SPATA17: variants seen among roughly 807,000 people sequenced by gnomAD.
The protein encoded by SPATA17 is spermatogenesis associated 17.
Under a neutral mutation model 62.2 loss-of-function variants are expected in SPATA17, and 53 were observed. The ratio of observed to expected loss-of-function variants is 0.85; its 90% CI spans 0.68 to 1.07. The LOEUF is 1.07. Among genes scored for constraint, SPATA17 ranks in the 50% least tolerant of loss-of-function variants. The pLI, the probability that SPATA17 is intolerant of heterozygous loss-of-function variation, is 0.00. For synonymous variants in SPATA17, 146 were observed against 146.8 expected, an observed-to-expected ratio of 0.99 and a Z score of 0.04; for missense variants, 466 against 425.5, an observed-to-expected ratio of 1.10 and a Z score of -0.84.
chr1:217,781,818 A>G (rs970583481), intron 7 of SPATA17, among the ~76,000 whole-genome samples: 1 of 152,164 alleles, frequency 6.6e-6, no homozygotes, highest in African/African-American at 2.4e-5. Context: ...TATTTACTCA[A>G]AAAGGGAGAC....
intron 6 of SPATA17, among the ~76,000 whole-genome samples, chr1:217,771,038 T>TA (rs1015516142): frequency 7.7e-5 from 10 of 129,582 alleles, no homozygotes; most frequent in East Asian, 2.4e-4. Flanking sequence ...TCGTAGCCTT[T>TA]AAAAAAAATC....
At chr1:217,772,298 A>G (rs183177158) in intron 6 of SPATA17, among the ~76,000 whole-genome samples, 1 of 152,324 alleles carries the variant, frequency 6.6e-6, no homozygotes, top group East Asian at 1.9e-4. Context: ...AATGGTTTAT[A>G]TAACTGCCTT....
chr1:217,708,954 C>CA (rs371624557), intron 5 of SPATA17, among the ~76,000 whole-genome samples: 162 of 143,398 alleles, frequency 1.1e-3, no homozygotes, highest in African/African-American at 2.6e-3. Context: ...TCAGCATATG[C>CA]AAAAAAAAAA....
chr1:217,848,435 CT>C (rs960938100), intron 9 of SPATA17, among the ~76,000 whole-genome samples: 3 of 152,050 alleles, frequency 2.0e-5, no homozygotes, highest in South Asian at 2.1e-4. Context: ...TCAGCTTTTA[CT>C]TTTTTTTACT....
chr1:217,668,046 T>C (rs866094884), intron 3 of SPATA17, among the ~76,000 whole-genome samples: 2 of 152,246 alleles, frequency 1.3e-5, no homozygotes, highest in Non-Finnish European at 2.9e-5. Flanking sequence ...CTGTTTGTCA[T>C]GGGGCAGAAA....
rs1381723863 is a variant in SPATA17 at position 217,776,217 on chromosome 1, G to T, written c.723+1680G>T. Among the ~76,000 whole-genome samples the T allele has an allele frequency of 1.3e-5, 2 of 152,192 alleles. 1 individual carries two copies. The highest frequency in any genetic ancestry group is 4.8e-5 in the African/African-American group (2 of 41,534). ...TCCTGAGGCTAAAGGGTAGAGTGGG[G>T]TGGGGTGAATGATGATTGTCACCAT... is the stretch of plus-strand genomic sequence containing the variant. On this transcript the variant is annotated intron_variant, in intron 7 of 10. Coordinates refer to ENST00000366933, the MANE Select transcript of SPATA17 (RefSeq NM_138796.4).
chr1:217,633,389 A>T (rs1368878062), intron 1 of SPATA17, among the ~76,000 whole-genome samples: 1 of 143,912 alleles, frequency 6.9e-6, no homozygotes, highest in Non-Finnish European at 1.6e-5. Context: ...TCTATTTATT[A>T]GATAATCTAT....
intron 9 of SPATA17, among the ~76,000 whole-genome samples, chr1:217,816,053 G>A (rs1263232211): frequency 6.6e-6 from 1 of 151,428 alleles, no homozygotes; most frequent in African/African-American, 2.4e-5. Flanking sequence ...CATTAACACT[G>A]GTTATTCTCA....
chr1:217,770,867 C>T (rs947707024), intron 6 of SPATA17, among the ~76,000 whole-genome samples: 3 of 150,672 alleles, frequency 2.0e-5, no homozygotes, highest in South Asian at 2.1e-4. Flanking sequence ...TACGTTTGCT[C>T]GTTGCTCAAC....
intron 6 of SPATA17, among the ~76,000 whole-genome samples, chr1:217,752,215 A>G (rs1247599503): frequency 1.3e-5 from 2 of 152,012 alleles, no homozygotes; most frequent in Non-Finnish European, 2.9e-5. Flanking sequence ...TTTTGTAGAC[A>G]TAGGGTCTTG....
At chr1:217,803,684 C>T (rs1272229748) in intron 9 of SPATA17, among the ~76,000 whole-genome samples, 1 of 152,128 alleles carries the variant, frequency 6.6e-6, no homozygotes, top group Non-Finnish European at 1.5e-5. Context: ...TCAATACAAT[C>T]CCTATCAAAA....
intron 1 of SPATA17, among the ~76,000 whole-genome samples, chr1:217,631,954 G>C (rs1669794820): frequency 6.6e-6 from 1 of 151,992 alleles, no homozygotes; most frequent in Admixed American, 6.6e-5. Context: ...AGGCCGAGGG[G>C]GGCGAATCAC....
In SPATA17 at chr1:217,727,847, C is replaced by G. The variant is rs1672305008; in HGVS notation, c.396-14128C>G. 3.9e-5 allele frequency among the ~76,000 whole-genome samples: 6 copies of G among 152,260 alleles called. No homozygotes were observed. In the South Asian group the frequency reaches 1.2e-3, roughly 32 times the overall value. On this transcript the variant is annotated intron_variant, in intron 5 of 10. Coordinates refer to ENST00000366933, the MANE Select transcript of SPATA17 (RefSeq NM_138796.4). ...CAATGAATAGTTTCGTATCCTTAGT[C>G]AAGTTACTTACTATCTCTGCACCTC...
chr1:217,699,193 A>G (rs1671534371), intron 5 of SPATA17, among the ~76,000 whole-genome samples: 1 of 152,222 alleles, frequency 6.6e-6, no homozygotes, highest in Admixed American at 6.5e-5. Flanking sequence ...ATGTGAGCAC[A>G]CATTTCTATT....
intron 9 of SPATA17, among the ~76,000 whole-genome samples, chr1:217,849,194 G>A (rs570576144): frequency 1.3e-5 from 2 of 152,124 alleles, no homozygotes; most frequent in East Asian, 3.9e-4. Flanking sequence ...ATCTTTTGCT[G>A]TTTTATTCAT....
At chr1:217,801,087 T>G (rs1313940122) in intron 8 of SPATA17, among the ~76,000 whole-genome samples, 1 of 152,198 alleles carries the variant, frequency 6.6e-6, no homozygotes, top group African/African-American at 2.4e-5. Context: ...ATTGGACACA[T>G]TTTTTTCAGC....
chr1:217,703,006 A>G (rs556156064), intron 5 of SPATA17, among the ~76,000 whole-genome samples: 1 of 150,984 alleles, frequency 6.6e-6, no homozygotes, highest in Non-Finnish European at 1.5e-5. Flanking sequence ...CCTCCTGAGT[A>G]GCTAGTATTA....
In SPATA17 at chr1:217,770,978, A is replaced by ATTTTTTTTTTTTTTTTTTT. The variant is rs374042087; in HGVS notation, c.520-3344_520-3326dup. Among the ~76,000 whole-genome samples the ATTTTTTTTTTTTTTTTTTT allele has an allele frequency of 7.4e-4, 37 of 50,150 alleles. 3 individuals carry two copies. Among genetic ancestry groups the ATTTTTTTTTTTTTTTTTTT allele is most frequent in the African/African-American group, 1.4e-3 (16 of 11,570 alleles). The allele number at this position is 50,150 out of a possible 152,430, so 32.9% of individuals were successfully genotyped here. On this transcript the variant is annotated intron_variant, in intron 6 of 10. Coordinates refer to ENST00000366933, the MANE Select transcript of SPATA17 (RefSeq NM_138796.4). ...ATGTATCTATTATATAACTCATTGC[A>ATTTTTTTTTTTTTTTTTTT]TTTTTTTTTTTTTTTTTTTTTTTTT...
intron 7 of SPATA17, among the ~76,000 whole-genome samples, chr1:217,778,589 G>C (rs143348306): frequency 2.3e-4 from 35 of 152,230 alleles, no homozygotes; most frequent in African/African-American, 7.0e-4. Context: ...GTACTACATG[G>C]AATTCATAGA....
Sources: gnomAD v4.1 joint callset for allele counts (sites outside exome capture counted in the v4.1 genomes callset) on GRCh38, gnomAD v4.1.1 for gene constraint, MANE v1.5 for transcripts, NCBI Gene and HGNC (gene_info 2026-07-23, HGNC 2026-07-21) for gene names.